The following ZNRF1 variants were observed in gnomAD, a reference collection of about 807,000 sequenced individuals.
ZNRF1 encodes the protein zinc and ring finger 1.
Under a neutral mutation model 18.4 loss-of-function variants are expected in ZNRF1, and 3 were observed. The observed-to-expected ratio is 0.16, with a 90% CI of 0.07 to 0.42. ZNRF1 has a LOEUF of 0.42. Among genes scored for constraint, ZNRF1 ranks in the 10% least tolerant of loss-of-function variants. The pLI is 0.99. For synonymous variants in ZNRF1, 157 were observed against 144.2 expected (o/e 1.09, Z -0.64); for missense variants, 310 against 329.8 (o/e 0.94, Z 0.47).
chr16:75,027,727 A>C lies in ZNRF1; in HGVS notation c.424+27632A>C, dbSNP rs530387860. 3.9e-5 allele frequency among the ~76,000 whole-genome samples: 6 copies of C among 152,212 alleles called. No individual in the cohort carries two copies. In the East Asian group the frequency reaches 7.7e-4, roughly 20 times the overall value. ...TAAATCACAACTCTGGTTAAATCCA[A>C]ATCTCTGCCTACTTTGTGGGTGTGC... On this transcript the variant is annotated intron_variant, in intron 1 of 4. Coordinates refer to ENST00000335325, the MANE Select transcript of ZNRF1 (RefSeq NM_032268.5).
intron 1 of ZNRF1, among the ~76,000 whole-genome samples, chr16:75,051,332 C>G (rs927845477): frequency 1.7e-4 from 25 of 149,878 alleles, no homozygotes; most frequent in African/African-American, 5.9e-4. Context: ...CTCAGCATCT[C>G]GAGTAGCTGG....
rs1465464564 is a variant in ZNRF1, at chr16:75,007,837, A to G, written c.424+7742A>G. On this transcript the variant is annotated intron_variant, in intron 1 of 4. Transcript: ENST00000335325. ...TAAACTTTGAATCCTTTTTTGGTGTATTCATTAGCTTTCTTTTTATTTGTT... is the reference window on the plus strand; with the variant it reads ...TAAACTTTGAATCCTTTTTTGGTGTGTTCATTAGCTTTCTTTTTATTTGTT... Among the ~76,000 whole-genome samples the G allele has an allele frequency of 2.0e-5, 3 of 151,848 alleles. No homozygotes were observed. The South Asian group carries it at 6.2e-4, about 32-fold the overall frequency.
intron 2 of ZNRF1, chr16:75,095,614 C>G: frequency 1.3e-6 from 2 of 1,548,850 alleles, no homozygotes; most frequent in East Asian, 4.9e-5. Flanking sequence ...TACAAAGAAG[C>G]CTCAGAGGGG....
chr16:75,038,719 G>A (rs2035404683), intron 1 of ZNRF1, among the ~76,000 whole-genome samples: 1 of 152,196 alleles, frequency 6.6e-6, no homozygotes, highest in Non-Finnish European at 1.5e-5. Context: ...GAAGTCCTGT[G>A]TGTGTGTTCT....
chr16:75,041,918 C>A (rs1414301591), intron 1 of ZNRF1, among the ~76,000 whole-genome samples: 1 of 151,934 alleles, frequency 6.6e-6, no homozygotes, highest in East Asian at 1.9e-4. Context: ...ATCACTTGAA[C>A]CTGGGAGACG....
At chr16:75,054,750 G>A (rs1317178228) in intron 1 of ZNRF1, among the ~76,000 whole-genome samples, 4 of 152,242 alleles carry the variant, frequency 2.6e-5, no homozygotes, top group South Asian at 2.1e-4. Flanking sequence ...ATCCTCCTGG[G>A]AGATTGGCCT....
intron 1 of ZNRF1, among the ~76,000 whole-genome samples, chr16:75,005,547 C>T (rs778803088): frequency 2.6e-5 from 4 of 152,130 alleles, no homozygotes; most frequent in Non-Finnish European, 4.4e-5. Context: ...TTATTGGGCA[C>T]AGAAATTTGA....
At chr16:75,005,532 C>G (rs554096251) in intron 1 of ZNRF1, among the ~76,000 whole-genome samples, 1 of 152,272 alleles carries the variant, frequency 6.6e-6, no homozygotes, top group South Asian at 2.1e-4. Context: ...GTATTCACCC[C>G]AAGCTTATTG....
At chr16:75,074,483 G>A (rs2035914201) in intron 1 of ZNRF1, among the ~76,000 whole-genome samples, 1 of 152,148 alleles carries the variant, frequency 6.6e-6, no homozygotes, top group African/African-American at 2.4e-5. Flanking sequence ...TTTCGTGTCT[G>A]GAATTTTCTT....
intron 1 of ZNRF1, among the ~76,000 whole-genome samples, chr16:75,065,903 G>C (rs937783601): frequency 2.0e-5 from 3 of 152,186 alleles, no homozygotes; most frequent in African/African-American, 7.2e-5. Flanking sequence ...CCTGTATGTG[G>C]AAGCCGCTGC....
intron 1 of ZNRF1, among the ~76,000 whole-genome samples, chr16:75,064,641 C>A (rs181997492): frequency 2.0e-5 from 3 of 152,224 alleles, no homozygotes; most frequent in Admixed American, 2.0e-4. Flanking sequence ...CCAGAACCTG[C>A]CTGGCACGTA....
At chr16:75,105,129 G>T in intron 3 of ZNRF1, 1 of 438,120 alleles carries the variant, frequency 2.3e-6, no homozygotes. Flanking sequence ...GGGCTCAGGT[G>T]GTGGGAGCTG....
chr16:75,059,969 A>C (rs1272702273), intron 1 of ZNRF1, among the ~76,000 whole-genome samples: 1 of 152,168 alleles, frequency 6.6e-6, no homozygotes, highest in African/African-American at 2.4e-5. Flanking sequence ...TATTTGGTAC[A>C]GCCCAGGATA....
intron 1 of ZNRF1, among the ~76,000 whole-genome samples, chr16:75,087,054 A>C (rs950687678): frequency 1.3e-5 from 2 of 152,198 alleles, no homozygotes; most frequent in Non-Finnish European, 2.9e-5. Flanking sequence ...GCTTCGGAAA[A>C]TGAGAAGTGC....
intron 1 of ZNRF1, among the ~76,000 whole-genome samples, chr16:75,051,540 C>T (rs967431009): frequency 4.0e-5 from 6 of 148,922 alleles, no homozygotes; most frequent in Non-Finnish European, 8.9e-5. Flanking sequence ...TTGGGGGGGA[C>T]GGAGTCTTGC....
chr16:75,020,093 A>G (rs2035124844), intron 1 of ZNRF1, among the ~76,000 whole-genome samples: 1 of 152,170 alleles, frequency 6.6e-6, no homozygotes, highest in Non-Finnish European at 1.5e-5. Flanking sequence ...TCTCTTCATA[A>G]TTTTGTCAAA....
chr16:75,060,211 AC>A (rs2035724811), intron 1 of ZNRF1, among the ~76,000 whole-genome samples: 4 of 150,990 alleles, frequency 2.6e-5, no homozygotes, highest in Non-Finnish European at 5.9e-5. Flanking sequence ...GCATCACCAC[AC>A]CTGGCTAATT....
At chr16:75,002,164 T>A (rs1023127184) in intron 1 of ZNRF1, 1 of 152,244 alleles carries the variant, frequency 6.6e-6, no homozygotes, top group Non-Finnish European at 1.5e-5. Context: ...GGTATCACTC[T>A]GGTTGAGAAC....
intron 1 of ZNRF1, among the ~76,000 whole-genome samples, chr16:75,064,077 T>C (rs1597889820): frequency 6.6e-6 from 1 of 152,028 alleles, no homozygotes; most frequent in Admixed American, 6.6e-5. Flanking sequence ...GGCAGGCGGA[T>C]CACTTGAGCT....
Sources: gnomAD v4.1 joint callset for allele counts (sites outside exome capture counted in the v4.1 genomes callset) on GRCh38, gnomAD v4.1.1 for gene constraint, MANE v1.5 for transcripts, NCBI Gene and HGNC (gene_info 2026-07-23, HGNC 2026-07-21) for gene names.